The following ZC2HC1B variants were observed in gnomAD, a reference collection of about 807,000 sequenced individuals.
ZC2HC1B encodes zinc finger C2HC-type containing 1B, also known as zinc finger C2HC domain-containing protein 1B.
In ZC2HC1B, 36 loss-of-function variants were observed where a neutral mutation model predicts 31.0. That is an observed-to-expected ratio of 1.16 (90% CI 0.89 to 1.54). The LOEUF is 1.54. ZC2HC1B is among the 40% of genes most tolerant of loss of function. The pLI, the probability that ZC2HC1B is intolerant of heterozygous loss-of-function variation, is 0.00. For missense variants in ZC2HC1B, 260 were observed against 268.6 expected, an observed-to-expected ratio of 0.97 and a Z score of 0.22; for synonymous variants, 73 against 88.0, an observed-to-expected ratio of 0.83 and a Z score of 0.95.
At chr6:143,929,757 A>T (rs746685781) in intron 6 of ZC2HC1B, among the ~76,000 whole-genome samples, 5 of 152,030 alleles carry the variant, frequency 3.3e-5, no homozygotes, top group Non-Finnish European at 7.4e-5. Flanking sequence ...ATTACTAATC[A>T]TATCTCACTA....
At chr6:143,873,243 C>T (rs1218011421) in intron 1 of ZC2HC1B, among the ~76,000 whole-genome samples, 1 of 152,342 alleles carries the variant, frequency 6.6e-6, no homozygotes, top group African/African-American at 2.4e-5. Flanking sequence ...CCTTTGACTC[C>T]ATGTCTCACA....
chr6:143,886,074 C>A lies in ZC2HC1B; in HGVS notation c.133C>A (p.Arg45Ser). ...PICKKLFNRK[R>S]KPFSSLKQRL... The stretch of plus-strand genomic sequence containing the variant: ...ATGTAAGAAACTCTTCAACAGAAAG[C>A]GTAAACCTTTCAGTTCTTTGAAGCA... The change falls in exon 3 of 8, where the codon CGT becomes AGT. Residue 45 changes from arginine (R) to serine (S), a missense_variant. Physicochemically the swap from Arg to Ser is moderately radical, Grantham distance 110 (BLOSUM62 -1). Transcript: ENST00000237275. This position sits in a 1 kb window ranked among gnomAD's most constrained non-coding sequence, Gnocchi z 4.2. 2 of 1,548,080 alleles carry A rather than the reference C, an allele frequency of 1.3e-6. No individual in the cohort carries two copies. Among genetic ancestry groups the A allele is most frequent in the Non-Finnish European group, 8.7e-7 (1 of 1,145,874 alleles).
Position 143,883,746 on chromosome 6 carries a change from C to G in ZC2HC1B, c.29-558C>G, listed in dbSNP as rs1729706813. Among the ~76,000 whole-genome samples the G allele has an allele frequency of 6.6e-6, 1 of 152,102 alleles. No homozygotes were observed. Among genetic ancestry groups the G allele is most frequent in the African/African-American group, 2.4e-5 (1 of 41,406 alleles). On this transcript the variant is annotated intron_variant, in intron 1 of 7. Coordinates refer to ENST00000237275, the MANE Select transcript of ZC2HC1B (RefSeq NM_001013623.3). This position sits in a 1 kb window ranked among gnomAD's most constrained non-coding sequence, Gnocchi z 4.1. ...TGCTGGTCCCATGTATGATTTCTCC[C>G]AATATTTCCACAGAATTGCATATAG...
Position 143,895,950 on chromosome 6 carries a change from T to G in ZC2HC1B, c.350-2602T>G, listed in dbSNP as rs556897504. Among the ~76,000 whole-genome samples the G allele has an allele frequency of 6.6e-5, 10 of 152,346 alleles. No homozygotes were observed. The highest frequency in any genetic ancestry group is 1.7e-4 in the African/African-American group (7 of 41,584). ...GGAAGAGAGGTGACTCCGATTGAGC[T>G]GAGTGTAGAACATGTAGCTCAGTTA... On this transcript the variant is annotated intron_variant, in intron 4 of 7. Coordinates refer to ENST00000237275, the MANE Select transcript of ZC2HC1B (RefSeq NM_001013623.3). The surrounding 1 kb of genome is among the most constrained non-coding windows in gnomAD (Gnocchi z 4.8).
chr6:143,900,401 A>AG (rs1168918861), intron 5 of ZC2HC1B, among the ~76,000 whole-genome samples: 3 of 151,824 alleles, frequency 2.0e-5, no homozygotes, highest in South Asian at 2.1e-4. Context: ...AAAAAAAAAA[A>AG]AAAAGAAAAA....
chr6:143,874,459 C>T (rs536048541), intron 1 of ZC2HC1B, among the ~76,000 whole-genome samples: 1 of 152,314 alleles, frequency 6.6e-6, no homozygotes, highest in Admixed American at 6.5e-5. Context: ...TACCAATTTA[C>T]TGTATTAGTC....
rs1412231292 is a variant in ZC2HC1B at position 143,869,183 on chromosome 6, T to G, written c.28+4616T>G. Among the ~76,000 whole-genome samples, 13 of 152,188 alleles carry G rather than the reference T, an allele frequency of 8.5e-5. 1 individual carries two copies. Among genetic ancestry groups the G allele is most frequent in the African/African-American group, 2.4e-5 (1 of 41,446 alleles). Reference sequence around the variant, plus strand: ...TCCTGCCTGGATTAGGCTGTTGTAGTTTCCCATTGACCTGAATCACAGGAC... The same window carrying G: ...TCCTGCCTGGATTAGGCTGTTGTAGGTTCCCATTGACCTGAATCACAGGAC... On this transcript the variant is annotated intron_variant, in intron 1 of 7. Coordinates refer to ENST00000237275, the MANE Select transcript of ZC2HC1B (RefSeq NM_001013623.3). The surrounding 1 kb of genome is among the most constrained non-coding windows in gnomAD (Gnocchi z 5.2).
At position 143,864,651 on chromosome 6, in the gene ZC2HC1B, A is replaced by G. The variant is rs1159171991; in HGVS notation, c.28+84A>G. 2.8e-6 allele frequency: 4 copies of G among 1,418,856 alleles called. No individual in the cohort carries two copies. In the African/African-American group the frequency reaches 4.3e-5, roughly 15 times the overall value. 87.9% of individuals were successfully genotyped at this position (1,418,856 alleles called of 1,614,324 possible). On this transcript the variant is annotated intron_variant, in intron 1 of 7. Transcript: ENST00000237275. ...TATGGCTTTTCCAAAGCTGGTAGGT[A>G]TTAGCTTGTTCTACCATGTGTGATC... is the stretch of plus-strand genomic sequence containing the variant.
At chr6:143,873,677 T>G (rs1777372744) in intron 1 of ZC2HC1B, among the ~76,000 whole-genome samples, 1 of 152,260 alleles carries the variant, frequency 6.6e-6, no homozygotes, top group Non-Finnish European at 1.5e-5. Flanking sequence ...GGCTTGGGGC[T>G]TCCACCCTCT....
chr6:143,905,215 GTTTA>G lies in ZC2HC1B; in HGVS notation c.598+2069_598+2072del, dbSNP rs1777779827. Among the ~76,000 whole-genome samples the G allele has an allele frequency of 3.3e-5, 5 of 152,102 alleles. No homozygotes were observed. Among genetic ancestry groups the G allele is most frequent in the Admixed American group, 1.3e-4 (2 of 15,272 alleles). On this transcript the variant is annotated intron_variant, in intron 6 of 7. Coordinates refer to ENST00000237275, the MANE Select transcript of ZC2HC1B (RefSeq NM_001013623.3). This position sits in a 1 kb window ranked among gnomAD's most constrained non-coding sequence, Gnocchi z 4.2. ...ATCCATGAACATGGAATATATTTCT[GTTTA>G]TTTATGTCCTCTTTAATTTCTTTCA...
Position 143,870,112 on chromosome 6 carries a change from A to G in ZC2HC1B, c.28+5545A>G, listed in dbSNP as rs1777318705. ...TCATGCTTCTTCCAAGTCCCTGACT[A>G]TCCAGCCAAACTACTGGCAACAGCC... On this transcript the variant is annotated intron_variant, in intron 1 of 7. Coordinates refer to ENST00000237275, the MANE Select transcript of ZC2HC1B (RefSeq NM_001013623.3). This position sits in a 1 kb window ranked among gnomAD's most constrained non-coding sequence, Gnocchi z 4.7. Among the ~76,000 whole-genome samples, 1 of 152,202 alleles carries G rather than the reference A, an allele frequency of 6.6e-6. No homozygotes were observed. The highest frequency in any genetic ancestry group is 1.5e-5 in the Non-Finnish European group (1 of 68,046).
chr6:143,875,544 C>T (rs529617974), intron 1 of ZC2HC1B, among the ~76,000 whole-genome samples: 2 of 150,896 alleles, frequency 1.3e-5, no homozygotes, highest in Admixed American at 1.3e-4. Context: ...CAGCCCGATC[C>T]AACTCTATGT....
intron 7 of ZC2HC1B, among the ~76,000 whole-genome samples, 200 bp downstream of exon 7, chr6:143,937,933 T>C (rs2128498392): frequency 6.6e-6 from 1 of 152,358 alleles, no homozygotes; most frequent in Non-Finnish European, 1.5e-5. Context: ...CATGACTTAA[T>C]AGGAAAGGGG....
At position 143,923,101 on chromosome 6, in the gene ZC2HC1B, ATAAT is replaced by A. The variant is rs1413397120; in HGVS notation, c.599-14541_599-14538del. Among the ~76,000 whole-genome samples the A allele has an allele frequency of 1.3e-5, 2 of 152,034 alleles. No homozygotes were observed. Among genetic ancestry groups the A allele is most frequent in the African/African-American group, 2.4e-5 (1 of 41,414 alleles). On this transcript the variant is annotated intron_variant, in intron 6 of 7. Coordinates refer to ENST00000237275, the MANE Select transcript of ZC2HC1B (RefSeq NM_001013623.3). This position sits in a 1 kb window ranked among gnomAD's most constrained non-coding sequence, Gnocchi z 4.8. Reference sequence around the variant, plus strand: ...TGCGTCTTGGATTGGCATTTCCCTGATAATTAATTATGTTGAACATTTTTTCCAT... The same window carrying A: ...TGCGTCTTGGATTGGCATTTCCCTGATAATTATGTTGAACATTTTTTCCAT...
At position 143,915,067 on chromosome 6, in the gene ZC2HC1B, G is replaced by A. The variant is rs960276654; in HGVS notation, c.598+11915G>A. ...ATGCCTTACAGCTTTTTTGTTCCTC[G>A]TTTCCTGCATCACTGTTGATATGAT... is the stretch of plus-strand genomic sequence containing the variant. On this transcript the variant is annotated intron_variant, in intron 6 of 7. Coordinates refer to ENST00000237275, the MANE Select transcript of ZC2HC1B (RefSeq NM_001013623.3). The surrounding 1 kb of genome is among the most constrained non-coding windows in gnomAD (Gnocchi z 5.2). 6.6e-5 allele frequency among the ~76,000 whole-genome samples: 10 copies of A among 151,960 alleles called. No individual in the cohort carries two copies. The highest frequency in any genetic ancestry group is 1.0e-4 in the Non-Finnish European group (7 of 67,982).
chr6:143,936,588 A>C (rs997280861), intron 6 of ZC2HC1B, among the ~76,000 whole-genome samples: 3 of 152,220 alleles, frequency 2.0e-5, no homozygotes, highest in Admixed American at 1.3e-4. Context: ...GGCTTTTGTT[A>C]TATGAATGAT....
rs150239610 is a variant in ZC2HC1B at position 143,926,699 on chromosome 6, A to G, written c.599-10950A>G. On this transcript the variant is annotated intron_variant, in intron 6 of 7. Transcript: ENST00000237275. ...TGTCTTGACGATCTGTCTAATATAGAGAGTAGGGTGTTGAAGTCTTCAACT... is the reference window on the plus strand; with the variant it reads ...TGTCTTGACGATCTGTCTAATATAGGGAGTAGGGTGTTGAAGTCTTCAACT... Among the ~76,000 whole-genome samples the G allele has an allele frequency of 2.3e-3, 347 of 152,100 alleles. 2 individuals carry two copies. Among genetic ancestry groups the G allele is most frequent in the Non-Finnish European group, 3.9e-3 (268 of 67,990 alleles).
At chr6:143,936,658 A>T (rs1462533802) in intron 6 of ZC2HC1B, among the ~76,000 whole-genome samples, 4 of 152,220 alleles carry the variant, frequency 2.6e-5, no homozygotes, top group Non-Finnish European at 5.9e-5. Context: ...ACAGAGACTA[A>T]TGTCACTATG....
At chr6:143,926,094 AT>A (rs896988181) in intron 6 of ZC2HC1B, among the ~76,000 whole-genome samples, 12 of 150,444 alleles carry the variant, frequency 8.0e-5, no homozygotes, top group Admixed American at 4.0e-4. Context: ...TGACCTTTGT[AT>A]TTTTTTTTAA....
Sources: gnomAD v4.1 joint callset for allele counts (sites outside exome capture counted in the v4.1 genomes callset) on GRCh38, gnomAD v4.1.1 for gene constraint, Gnocchi (gnomAD v3.1) non-coding constraint, MANE v1.5 for transcripts, NCBI Gene and HGNC (gene_info 2026-07-23, HGNC 2026-07-21) for gene names.